GPRC5A: variants seen among roughly 807,000 people sequenced by gnomAD.
GPRC5A encodes G protein-coupled receptor class C group 5 member A, also known as retinoic acid-induced protein 3.
A neutral mutation model predicts 22.5 loss-of-function variants in GPRC5A; 19 were observed. The ratio of observed to expected loss-of-function variants is 0.85; its 90% CI spans 0.59 to 1.24. The LOEUF is 1.24. GPRC5A is among the 50% of genes most tolerant of loss of function. GPRC5A has a pLI of 0.00. For missense variants in GPRC5A, 471 were observed against 451.1 expected, an observed-to-expected ratio of 1.04 and a Z score of -0.40; for synonymous variants, 192 against 184.5, an observed-to-expected ratio of 1.04 and a Z score of -0.33.
intron 2 of GPRC5A, among the ~76,000 whole-genome samples, chr12:12,910,630 G>A (rs535944797): frequency 6.6e-6 from 1 of 152,242 alleles, no homozygotes; most frequent in African/African-American, 2.4e-5. Flanking sequence ...TGTGCTCCAG[G>A]TGTGTCTGTC....
intron 1 of GPRC5A, among the ~76,000 whole-genome samples, chr12:12,895,129 C>G (rs560166754): frequency 3.0e-4 from 46 of 152,140 alleles, no homozygotes; most frequent in Non-Finnish European, 5.7e-4. Context: ...ATAAAACAAG[C>G]CTTTTGGTCA....
chr12:12,911,549 T>C (rs1371750612), intron 2 of GPRC5A, among the ~76,000 whole-genome samples: 2 of 151,152 alleles, frequency 1.3e-5, no homozygotes, highest in Admixed American at 1.3e-4. Context: ...AGTGCAGTGG[T>C]GCGATCTCGG....
At chr12:12,907,042 G>A (rs543492213) in intron 1 of GPRC5A, among the ~76,000 whole-genome samples, 6 of 146,452 alleles carry the variant, frequency 4.1e-5, no homozygotes, top group South Asian at 4.4e-4. Context: ...CAAAAAGAGC[G>A]AAACTCCGTC....
chr12:12,911,331 T>C (rs1424549581), intron 2 of GPRC5A, among the ~76,000 whole-genome samples: 1 of 152,186 alleles, frequency 6.6e-6, no homozygotes, highest in African/African-American at 2.4e-5. Flanking sequence ...CAGAAAACAG[T>C]TGCTCATCAA....
intron 1 of GPRC5A, among the ~76,000 whole-genome samples, chr12:12,896,036 A>T (rs1024631807): frequency 4.7e-5 from 7 of 149,200 alleles, no homozygotes; most frequent in Non-Finnish European, 1.0e-4. Context: ...CTAGTAGAGG[A>T]CTTCACTTTA....
chr12:12,900,891 C>CAAAAA (rs756416857), intron 1 of GPRC5A, among the ~76,000 whole-genome samples: 15 of 21,628 alleles, frequency 6.9e-4, no homozygotes, highest in African/African-American at 2.0e-3. Flanking sequence ...AACTCCGTCT[C>CAAAAA]AAAAAAAAAA....
At chr12:12,894,923 T>C (rs1407442398) in intron 1 of GPRC5A, among the ~76,000 whole-genome samples, 1 of 151,718 alleles carries the variant, frequency 6.6e-6, no homozygotes, top group Non-Finnish European at 1.5e-5. Flanking sequence ...GGACTACAGG[T>C]GCCCGCCACC....
rs535236485 is a variant in GPRC5A, at chr12:12,902,265, G to T, written c.-7-5978G>T. Among the ~76,000 whole-genome samples the T allele has an allele frequency of 1.1e-3, 172 of 152,016 alleles. 1 individual carries two copies. The highest frequency in any genetic ancestry group is 3.7e-3 in the African/African-American group (155 of 41,468). ...ATCCCTATCAGCTTAGGGATGGGGT[G>T]GGGGAGGCTAACAGAGGTGAATTAA... On this transcript the variant is annotated intron_variant, in intron 1 of 3. Transcript: ENST00000014914.
rs184459654 is a variant in GPRC5A, at chr12:12,897,149, C to T, written c.-8+5485C>T. Among the ~76,000 whole-genome samples the T allele has an allele frequency of 8.3e-3, 1,229 of 147,278 alleles. 6 individuals carry two copies. The highest frequency in any genetic ancestry group is 0.013 in the Non-Finnish European group (895 of 67,428). ...GGCTGAGGCACAAGAATCGCTTTAA[C>T]CTGAGAGGCAGAGGCTGCAGTGAGC... On this transcript the variant is annotated intron_variant, in intron 1 of 3. Transcript: ENST00000014914.
intron 1 of GPRC5A, among the ~76,000 whole-genome samples, chr12:12,894,712 A>G (rs1254104893): frequency 6.7e-6 from 1 of 149,222 alleles, no homozygotes; most frequent in Non-Finnish European, 1.5e-5. Flanking sequence ...CCCAGCCTTC[A>G]GTACTTTTTG....
chr12:12,897,949 G>T (rs1008801318), intron 1 of GPRC5A, among the ~76,000 whole-genome samples: 3 of 152,066 alleles, frequency 2.0e-5, no homozygotes, highest in African/African-American at 7.2e-5. Flanking sequence ...CTCCTACCTA[G>T]ATGAGATGGT....
Position 12,906,546 on chromosome 12 carries a change from G to A in GPRC5A, c.-7-1697G>A, listed in dbSNP as rs78458312. Among the ~76,000 whole-genome samples, 1,370 of 152,248 alleles carry A rather than the reference G, an allele frequency of 9.0e-3. 20 individuals carry two copies. The highest frequency in any genetic ancestry group is 0.032 in the African/African-American group (1,314 of 41,544). ...CGAGATCCAGCCTGGGTGACAGAGCGAGGCTCTGTTCCCCCCATCCCCCCA... is the reference window on the plus strand; with the variant it reads ...CGAGATCCAGCCTGGGTGACAGAGCAAGGCTCTGTTCCCCCCATCCCCCCA... On this transcript the variant is annotated intron_variant, in intron 1 of 3. Transcript: ENST00000014914.
rs140750983 is a variant in GPRC5A at position 12,908,657 on chromosome 12, T to A, written c.408T>A (p.Gly136=). ...RKPLSLLVIL[G]LAVGFSLVQD... ...CCCTTTCCCTGTTGGTGATTCTGGG[T>A]CTGGCCGTGGGCTTCAGCCTAGTCC... The change falls in exon 2 of 4, where the codon GGT becomes GGA. Residue 136 remains glycine (G), a synonymous_variant. Transcript: ENST00000014914. 172 of 1,613,940 alleles carry A rather than the reference T, an allele frequency of 1.1e-4. 1 individual carries two copies. In the African/African-American group the frequency reaches 2.1e-3, roughly 20 times the overall value.
rs755621238 is a variant in GPRC5A, at chr12:12,913,604, C to T, written c.*1065C>T. On this transcript the variant is annotated 3_prime_UTR_variant, in exon 4 of 4. Coordinates refer to ENST00000014914, the MANE Select transcript of GPRC5A (RefSeq NM_003979.4). ...TGTTCATTGTATAATAAGTTATTCA[C>T]CTGAGTATGCAATAAAGATGTGGTG... 12 of 152,130 alleles carry T rather than the reference C, an allele frequency of 7.9e-5. No homozygotes were observed. Among genetic ancestry groups the T allele is most frequent in the Non-Finnish European group, 1.6e-4 (11 of 68,040 alleles). 9.4% of individuals were successfully genotyped at this position (152,130 alleles called of 1,614,324 possible). A position where few individuals can be genotyped will look rare whatever the true frequency, so the allele number is the denominator to read the frequency against.
At chr12:12,893,416 G>A (rs1863785285) in intron 1 of GPRC5A, among the ~76,000 whole-genome samples, 1 of 152,206 alleles carries the variant, frequency 6.6e-6, no homozygotes. Flanking sequence ...TTAAGCTGAG[G>A]AATTAATATG....
At position 12,916,018 on chromosome 12, in the gene GPRC5A, GTTA is replaced by G. The variant is rs1161717139; in HGVS notation, c.*3485_*3487del. 2.5e-5 allele frequency: 7 copies of G among 281,034 alleles called. No individual in the cohort carries two copies. The highest frequency in any genetic ancestry group is 6.8e-5 in the African/African-American group (3 of 43,888). 17.4% of individuals were successfully genotyped at this position (281,034 alleles called of 1,614,324 possible). A position where few individuals can be genotyped will look rare whatever the true frequency, so the allele number is the denominator to read the frequency against. On this transcript the variant is annotated 3_prime_UTR_variant, in exon 4 of 4. Coordinates refer to ENST00000014914, the MANE Select transcript of GPRC5A (RefSeq NM_003979.4). ...GCACATAAATAAGCTATTTTTAAAA[GTTA>G]TTATTTTTTTACTCTTTCTTTTCTT...
At chr12:12,898,979 G>A (rs964724964) in intron 1 of GPRC5A, among the ~76,000 whole-genome samples, 2 of 152,110 alleles carry the variant, frequency 1.3e-5, no homozygotes, top group Non-Finnish European at 2.9e-5. Flanking sequence ...TTGTATGTCA[G>A]TGTGATTATT....
At chr12:12,910,069 C>G (rs78781071) in intron 2 of GPRC5A, among the ~76,000 whole-genome samples, 3,186 of 151,966 alleles carry the variant, frequency 0.021, 39 homozygotes, top group Non-Finnish European at 0.032. Flanking sequence ...TACTCCTGCT[C>G]ATAGGGACCT....
intron 2 of GPRC5A, 69 bp downstream of exon 2, chr12:12,909,240 A>G: frequency 9.4e-7 from 1 of 1,060,934 alleles, no homozygotes; most frequent in Non-Finnish European, 1.4e-6. Flanking sequence ...AGGATATTAT[A>G]ACTGTAAGGA....
Sources: gnomAD v4.1 joint callset for allele counts (sites outside exome capture counted in the v4.1 genomes callset) on GRCh38, gnomAD v4.1.1 for gene constraint, MANE v1.5 for transcripts, NCBI Gene and HGNC (gene_info 2026-07-23, HGNC 2026-07-21) for gene names.